The following KRT12 variants were observed in gnomAD, a reference collection of about 807,000 sequenced individuals.
The protein encoded by KRT12 is keratin 12.
A neutral mutation model predicts 50.2 loss-of-function variants in KRT12; 43 were observed. The ratio of observed to expected loss-of-function variants is 0.86; its 90% CI spans 0.67 to 1.11. The LOEUF (loss-of-function observed/expected upper bound fraction) is 1.11, where lower values mean the gene tolerates loss of function less well. Ranked by LOEUF, KRT12 falls within the 50% of genes least tolerant of loss-of-function variation. The pLI is 0.00. For missense variants in KRT12, 588 were observed against 625.6 expected (o/e 0.94, Z 0.64); for synonymous variants, 257 against 253.6 (o/e 1.01, Z -0.13).
chr17:40,864,082 C>T (rs1906919436), intron 3 of KRT12, among the ~76,000 whole-genome samples: 1 of 151,788 alleles, frequency 6.6e-6, no homozygotes, highest in African/African-American at 2.4e-5. Flanking sequence ...TCATATTTTT[C>T]TTCTGATATT....
rs1317871138 is a variant in KRT12 at position 40,861,547 on chromosome 17, A to G, written c.*114T>C. On this transcript the variant is annotated 3_prime_UTR_variant, in exon 8 of 8. Transcript: ENST00000251643. ...TGAATAGGGAATCCAAAGAAAATGGAACAGACAAAAATAGGGATTGAAGTA... is the reference window on the plus strand; with the variant it reads ...TGAATAGGGAATCCAAAGAAAATGGGACAGACAAAAATAGGGATTGAAGTA... 26 of 743,410 alleles carry G rather than the reference A, an allele frequency of 3.5e-5. No individual in the cohort carries two copies. Among genetic ancestry groups the G allele is most frequent in the Non-Finnish European group, 5.6e-5 (23 of 411,034 alleles). 46.1% of individuals were successfully genotyped at this position (743,410 alleles called of 1,614,324 possible).
In KRT12 at chr17:40,866,808, C is replaced by A; in HGVS notation, c.379G>T (p.Glu127Ter). 6.2e-7 allele frequency: 1 copy of A among 1,614,170 alleles called. No individual in the cohort carries two copies. Among genetic ancestry groups the A allele is most frequent in the Non-Finnish European group, 8.5e-7 (1 of 1,180,034 alleles). ...CTATCATTAAGATTTTGCATAGTTT[C>A]TTTTTCTGATCCAGAAAGAAGGCCT... is the stretch of plus-strand genomic sequence containing the variant. ...DGGLLSGSEKETMQNLNDRLA... is the reference protein window; with the variant it reads ...DGGLLSGSEK Residue 127 changes from glutamate (E) to a stop codon, truncating the protein, a stop_gained, in exon 1 of 8, where the codon GAA becomes TAA. Coordinates refer to ENST00000251643, the MANE Select transcript of KRT12 (RefSeq NM_000223.4). LOFTEE classifies it high-confidence loss of function.
Position 40,864,829 on chromosome 17 carries a change from A to G in KRT12, c.784T>C (p.Tyr262His). 1 of 1,613,670 alleles carries G rather than the reference A, an allele frequency of 6.2e-7. No homozygotes were observed. Among genetic ancestry groups the G allele is most frequent in the African/African-American group, 1.3e-5 (1 of 74,834 alleles). Reference protein sequence around the residue: ...QIESLNEELAYMKKNHEDELQ... With the variant: ...QIESLNEELAHMKKNHEDELQ... ...ACATCCTCGTGGTTCTTCTTCATGT[A>G]GGCCAGCTCCTCGTTCAGGCTCTCG... is the stretch of plus-strand genomic sequence containing the variant. The change falls in exon 3 of 8, where the codon TAC becomes CAC. Residue 262 changes from tyrosine (Y) to histidine (H), a missense_variant. Tyr to His is a moderately conservative substitution (Grantham distance 83, BLOSUM62 2). Coordinates refer to ENST00000251643, the MANE Select transcript of KRT12 (RefSeq NM_000223.4).
At chr17:40,866,555 G>A (rs907520927) in intron 1 of KRT12, 65 bp downstream of exon 1, 25 of 1,364,688 alleles carry the variant, frequency 1.8e-5, no homozygotes, top group African/African-American at 2.9e-5. Flanking sequence ...GATTATCACT[G>A]TAAAACATTG....
At chr17:40,864,766 A>C in intron 3 of KRT12, 40 bp downstream of exon 3, 1 of 1,610,992 alleles carries the variant, frequency 6.2e-7, no homozygotes, top group Non-Finnish European at 8.5e-7. Flanking sequence ...TCTGGGAGAA[A>C]AAAAAAAGTA....
intron 3 of KRT12, among the ~76,000 whole-genome samples, chr17:40,864,314 G>A (rs1227535759): frequency 1.3e-5 from 2 of 152,076 alleles, no homozygotes; most frequent in East Asian, 1.9e-4. Flanking sequence ...CACAATCATC[G>A]AAAATCTAGT....
Position 40,863,589 on chromosome 17 carries a change from TCTC to T in KRT12, c.988_990del (p.Glu330del). The T allele has an allele frequency of 6.2e-7, 1 of 1,614,200 alleles. No individual in the cohort carries two copies. The highest frequency in any genetic ancestry group is 8.5e-7 in the Non-Finnish European group (1 of 1,180,034). Reference sequence around the variant, plus strand: ...TGAAGCTGCTCGGTGTTGGTGCTAATCTCCTTACGGAGCTCCCCGCTCTGCAAC... The same window carrying T: ...TGAAGCTGCTCGGTGTTGGTGCTAATCTTACGGAGCTCCCCGCTCTGCAAC... On this transcript the variant is annotated inframe_deletion, in exon 5 of 8. Coordinates refer to ENST00000251643, the MANE Select transcript of KRT12 (RefSeq NM_000223.4). The surrounding 1 kb of genome is among the most constrained non-coding windows in gnomAD (Gnocchi z 4.2).
chr17:40,864,225 G>A (rs906326433), intron 3 of KRT12, among the ~76,000 whole-genome samples: 4 of 152,028 alleles, frequency 2.6e-5, no homozygotes, highest in African/African-American at 4.8e-5. Flanking sequence ...GAGGCCTGGC[G>A]TACACTCACT....
Position 40,863,629 on chromosome 17 carries a change from CCAGGGGG to C in KRT12, c.970-26_970-20del, listed in dbSNP as rs752912235. ...CCCCGCTCTGCAACAGCAAAGACAG[CCAGGGGG>C]CTCGAGCGCTGAGCTCGTTCGCAGG... On this transcript the variant is annotated intron_variant, in intron 4 of 7. Transcript: ENST00000251643. The surrounding 1 kb of genome is among the most constrained non-coding windows in gnomAD (Gnocchi z 4.2). 6.2e-7 allele frequency: 1 copy of C among 1,614,208 alleles called. No homozygotes were observed. The highest frequency in any genetic ancestry group is 1.1e-5 in the South Asian group (1 of 91,092).
Position 40,863,070 on chromosome 17 carries a change from G to T in KRT12, c.1316+53C>A. 6.8e-7 allele frequency: 1 copy of T among 1,460,862 alleles called. No homozygotes were observed. The highest frequency in any genetic ancestry group is 9.6e-7 in the Non-Finnish European group (1 of 1,040,866). 90.5% of individuals were successfully genotyped at this position (1,460,862 alleles called of 1,614,324 possible). A position where few individuals can be genotyped will look rare whatever the true frequency, so the allele number is the denominator to read the frequency against. On this transcript the variant is annotated intron_variant, in intron 6 of 7. Transcript: ENST00000251643. This position sits in a 1 kb window ranked among gnomAD's most constrained non-coding sequence, Gnocchi z 4.2. ...AAACCCCATTCCTTCTATTTCTGCTGCCCACTCTTGGTCAGCCCCTGAAGG... is the reference window on the plus strand; with the variant it reads ...AAACCCCATTCCTTCTATTTCTGCTTCCCACTCTTGGTCAGCCCCTGAAGG...
intron 2 of KRT12, 111 bp from the exon 3 acceptor site, chr17:40,865,073 A>C: frequency 8.7e-7 from 1 of 1,146,184 alleles, no homozygotes; most frequent in East Asian, 2.4e-5. Context: ...TAATAATGGC[A>C]GCATTGTAGT....
At chr17:40,865,019 A>G in intron 2 of KRT12, 57 bp from the exon 3 acceptor site, 1 of 1,572,118 alleles carries the variant, frequency 6.4e-7, no homozygotes. Flanking sequence ...GAACAAGGCC[A>G]CTGATCTTCA....
At chr17:40,866,344 A>T (rs1385683386) in intron 1 of KRT12, 107 bp from the exon 2 acceptor site, 6 of 901,046 alleles carry the variant, frequency 6.7e-6, no homozygotes, top group African/African-American at 3.3e-5. Context: ...ATGCTGTTTT[A>T]TTTAGAGTTT....
chr17:40,863,760 C>T lies in KRT12; in HGVS notation c.912G>A (p.Gln304=), dbSNP rs1373812636. 2 of 1,613,160 alleles carry T rather than the reference C, an allele frequency of 1.2e-6. No homozygotes were observed. The highest frequency in any genetic ancestry group is 2.7e-5 in the African/African-American group (2 of 74,898). The part of the protein sequence containing the change: ...LTRLLNDMRA[Q]YETIAEQNRK... ...GATTCTGCTCAGCGATGGTTTCATA[C>T]TGCGCCCGCATATCATTGAGGAGCC... The change falls in exon 4 of 8, where the codon CAG becomes CAA. Residue 304 remains glutamine, a synonymous_variant. Transcript: ENST00000251643. The surrounding 1 kb of genome is among the most constrained non-coding windows in gnomAD (Gnocchi z 4.2).
chr17:40,861,956 A>G (rs1906818219), intron 7 of KRT12, among the ~76,000 whole-genome samples, 198 bp from the exon 8 acceptor site: 1 of 152,262 alleles, frequency 6.6e-6, no homozygotes, highest in Admixed American at 6.5e-5. Flanking sequence ...CCTTGTACAT[A>G]TATGAAAACT....
chr17:40,863,448 T>C lies in KRT12; in HGVS notation c.1095+37A>G, dbSNP rs573770976. 1 of 1,614,226 alleles carries C rather than the reference T, an allele frequency of 6.2e-7. No homozygotes were observed. Among genetic ancestry groups the C allele is most frequent in the African/African-American group, 1.3e-5 (1 of 75,074 alleles). On this transcript the variant is annotated intron_variant, in intron 5 of 7. Transcript: ENST00000251643. The surrounding 1 kb of genome is among the most constrained non-coding windows in gnomAD (Gnocchi z 4.2). ...TTGGATGCAGCATTTTCTTTGGAAGTCCAAAGGATGCTACGTCTGTTTGCG... is the reference window on the plus strand; with the variant it reads ...TTGGATGCAGCATTTTCTTTGGAAGCCCAAAGGATGCTACGTCTGTTTGCG...
intron 2 of KRT12, among the ~76,000 whole-genome samples, chr17:40,865,548 A>G (rs1157874657): frequency 1.3e-5 from 2 of 152,232 alleles, no homozygotes; most frequent in African/African-American, 4.8e-5. Flanking sequence ...TTTCCATTGT[A>G]TGTGTCATCA....
intron 2 of KRT12, among the ~76,000 whole-genome samples, chr17:40,865,854 A>G (rs1458052474): frequency 6.6e-6 from 1 of 152,164 alleles, no homozygotes; most frequent in East Asian, 1.9e-4. Context: ...AAACAAAAAA[A>G]GAAAATTGAG....
At chr17:40,862,962 CTTTGCAAAGTGTAGAGCATT>C (rs1906857005) in intron 6 of KRT12, 141 bp downstream of exon 6, 1 of 703,748 alleles carries the variant, frequency 1.4e-6, no homozygotes, top group South Asian at 1.7e-5. Context: ...GGTGAAAACA[CTTTGCAAAGTGTAGAGCATT>C]TAGTAAATCC....
Sources: allele counts gnomAD v4.1 joint callset (sites outside exome capture counted in the v4.1 genomes callset), GRCh38; gene constraint gnomAD v4.1.1; non-coding constraint Gnocchi (gnomAD v3.1); transcripts MANE v1.5; gene names NCBI Gene and HGNC (gene_info 2026-07-23, HGNC 2026-07-21).